Variants in CDH11 observed in about 807,000 individuals in gnomAD.
CDH11 encodes the protein cadherin 11, also known as cadherin-11.
CDH11 carries 11 observed loss-of-function variants against 67.8 expected under a neutral mutation model. The ratio of observed to expected loss-of-function variants is 0.16; its 90% CI spans 0.10 to 0.27. The LOEUF is 0.27. Among genes scored for constraint, CDH11 ranks in the 10% least tolerant of loss-of-function variants. CDH11 has a pLI of 1.00. For missense variants in CDH11, 847 were observed against 1,031.2 expected (o/e 0.82, Z 2.45); for synonymous variants, 419 against 400.0 (o/e 1.05, Z -0.57).
upstream of CDH11, among the ~76,000 whole-genome samples, chr16:65,122,598 C>T (rs993553840): frequency 6.6e-6 from 1 of 152,160 alleles, no homozygotes. Flanking sequence ...ACTCCACCAC[C>T]CCACCTTCCA....
At chr16:65,100,083 C>A (rs1309706022) in intron 1 of CDH11, among the ~76,000 whole-genome samples, 1 of 152,094 alleles carries the variant, frequency 6.6e-6, no homozygotes, top group Non-Finnish European at 1.5e-5. Context: ...TAGTAACTGG[C>A]AATGGACTGG....
intron 4 of CDH11, among the ~76,000 whole-genome samples, chr16:64,997,424 C>T (rs2072802308): frequency 6.8e-6 from 1 of 147,912 alleles, no homozygotes; most frequent in African/African-American, 2.5e-5. Flanking sequence ...CCCTAAACAT[C>T]AATGAGCCCG....
chr16:65,107,103 G>A (rs150194137), intron 1 of CDH11, among the ~76,000 whole-genome samples: 101 of 152,110 alleles, frequency 6.6e-4, no homozygotes, highest in African/African-American at 2.1e-3. Context: ...AGCACTTCCC[G>A]ATGACCAGTG....
chr16:64,961,381 A>T (rs1186349454), intron 11 of CDH11, among the ~76,000 whole-genome samples: 3 of 152,128 alleles, frequency 2.0e-5, no homozygotes, highest in African/African-American at 7.2e-5. Context: ...AAACCTTCTG[A>T]TAGCCATGTA....
chr16:64,981,580 GT>G (rs1422088550), intron 8 of CDH11: 1 of 152,354 alleles, frequency 6.6e-6, no homozygotes, highest in East Asian at 1.9e-4. Flanking sequence ...AAGTCACTTT[GT>G]CTTGCATTGC....
At chr16:65,073,250 C>T (rs1420394664) in intron 1 of CDH11, among the ~76,000 whole-genome samples, 1 of 152,154 alleles carries the variant, frequency 6.6e-6, no homozygotes, top group African/African-American at 2.4e-5. Context: ...GAGAAGACTG[C>T]AATTGTCCAG....
chr16:65,092,080 T>C (rs1305186910), intron 1 of CDH11, among the ~76,000 whole-genome samples: 1 of 152,190 alleles, frequency 6.6e-6, no homozygotes, highest in Non-Finnish European at 1.5e-5. Context: ...TGTCCTGTCA[T>C]AGATGTTGTG....
chr16:64,948,054 G>A lies in CDH11; in HGVS notation c.1940C>T (p.Pro647Leu), dbSNP rs755036111. ...FVTLRRQKKE[P>L]LIVFEEEDVR... ...ATCTTCTTCCTCAAAGACAATGAGT[G>A]GTTCTTTCTTTTGCCTTCTCAGGGT... Residue 647 changes from proline to leucine, a missense_variant, in exon 13 of 13, where the codon CCA (proline) becomes CTA (leucine). By Grantham distance (98) the Pro-to-Leu change is moderately conservative. Transcript: ENST00000268603. 4.3e-6 allele frequency: 7 copies of A among 1,613,970 alleles called. No individual in the cohort carries two copies. The highest frequency in any genetic ancestry group is 5.9e-6 in the Non-Finnish European group (7 of 1,179,976).
At chr16:64,992,791 C>T in intron 5 of CDH11, 124 bp downstream of exon 5, 1 of 832,398 alleles carries the variant, frequency 1.2e-6, no homozygotes, top group Non-Finnish European at 1.8e-6. Context: ...CACACTAACC[C>T]TATAGGGTAG....
At chr16:65,011,041 A>ATGTATATATGTATATATATCATG (rs1453025476) in intron 2 of CDH11, among the ~76,000 whole-genome samples, 2 of 146,366 alleles carry the variant, frequency 1.4e-5, no homozygotes, top group African/African-American at 5.0e-5. Context: ...ACATATGTAT[A>ATGTATATATGTATATATATCATG]TGTATATATG....
At chr16:65,022,090 CAGA>C (rs776466690) in intron 2 of CDH11, among the ~76,000 whole-genome samples, 4 of 151,948 alleles carry the variant, frequency 2.6e-5, no homozygotes, top group Non-Finnish European at 4.4e-5. Flanking sequence ...ATGCTTTTCC[CAGA>C]AGGAGTATAG....
At chr16:65,100,144 C>T (rs1597194245) in intron 1 of CDH11, among the ~76,000 whole-genome samples, 1 of 151,870 alleles carries the variant, frequency 6.6e-6, no homozygotes, top group Admixed American at 6.6e-5. Flanking sequence ...GATCATTTAC[C>T]GCTGGTTGGA....
intron 11 of CDH11, among the ~76,000 whole-genome samples, chr16:64,970,057 T>A (rs1165396453): frequency 6.6e-6 from 1 of 152,194 alleles, no homozygotes; most frequent in Non-Finnish European, 1.5e-5. Flanking sequence ...TGGGAATCAT[T>A]TACAAATTGA....
chr16:65,051,864 G>C (rs2074062051), intron 2 of CDH11, among the ~76,000 whole-genome samples: 1 of 152,166 alleles, frequency 6.6e-6, no homozygotes, highest in African/African-American at 2.4e-5. Context: ...GCAGAACTGT[G>C]AGTCAATTAA....
chr16:65,032,047 G>A (rs1181020544), intron 2 of CDH11, among the ~76,000 whole-genome samples: 1 of 152,122 alleles, frequency 6.6e-6, no homozygotes, highest in African/African-American at 2.4e-5. Context: ...TCCCATCATC[G>A]AGAGTGAATC....
intron 2 of CDH11, among the ~76,000 whole-genome samples, chr16:65,021,227 A>C (rs1244565221): frequency 6.6e-6 from 1 of 152,210 alleles, no homozygotes; most frequent in African/African-American, 2.4e-5. Context: ...GTAATTTCTG[A>C]TACCTGCAAA....
chr16:65,079,002 GAAGCTAA>G (rs1299369479), intron 1 of CDH11, among the ~76,000 whole-genome samples: 1 of 152,186 alleles, frequency 6.6e-6, no homozygotes, highest in Non-Finnish European at 1.5e-5. Context: ...TGTTGATTCC[GAAGCTAA>G]AAGTGGCCTG....
In CDH11 at chr16:64,968,477, T is replaced by C. The variant is rs1468780386; in HGVS notation, c.1642+3102A>G. Reference sequence around the variant, plus strand: ...TCTTCATCTGCCCAAATAGCACCATTCCTGATATTAACAGCCCAAGATGGA... The same window carrying C: ...TCTTCATCTGCCCAAATAGCACCATCCCTGATATTAACAGCCCAAGATGGA... On this transcript the variant is annotated intron_variant, in intron 11 of 12. Transcript: ENST00000268603. 10 of 984,862 alleles carry C rather than the reference T, an allele frequency of 1.0e-5. No homozygotes were observed. In the East Asian group the frequency reaches 1.0e-3, roughly 100 times the overall value. The allele number at this position is 984,862 out of a possible 1,614,324, so 61.0% of individuals were successfully genotyped here.
intron 3 of CDH11, among the ~76,000 whole-genome samples, chr16:64,999,541 T>C (rs971430994): frequency 3.9e-5 from 6 of 152,168 alleles, no homozygotes; most frequent in African/African-American, 1.4e-4. Flanking sequence ...TTTGGGTTTT[T>C]CTTTTTTTTT....
Sources: allele counts gnomAD v4.1 joint callset (sites outside exome capture counted in the v4.1 genomes callset), GRCh38; gene constraint gnomAD v4.1.1; transcripts MANE v1.5; gene names NCBI Gene and HGNC (gene_info 2026-07-23, HGNC 2026-07-21).